The following PLEKHD1 variants were observed in gnomAD, a reference collection of about 807,000 sequenced individuals.
PLEKHD1 encodes the protein pleckstrin homology domain-containing family D member 1.
In PLEKHD1, 51 loss-of-function variants were observed where a neutral mutation model predicts 69.2. That is an observed-to-expected ratio of 0.74 (90% confidence interval 0.59 to 0.93). The LOEUF is 0.93. Ranked by LOEUF, PLEKHD1 falls within the 40% of genes least tolerant of loss-of-function variation. PLEKHD1 has a pLI of 0.00. For synonymous variants in PLEKHD1, 236 were observed against 244.7 expected, an observed-to-expected ratio of 0.96 and a Z score of 0.33; for missense variants, 584 against 641.0, an observed-to-expected ratio of 0.91 and a Z score of 0.96.
chr14:69,481,737 A>G (rs952253237), upstream of PLEKHD1, among the ~76,000 whole-genome samples: 22 of 152,350 alleles, frequency 1.4e-4, 2 homozygotes, highest in Admixed American at 1.4e-3. Flanking sequence ...TAAAAATTAA[A>G]TGAAATGTGT....
intron 9 of PLEKHD1, 107 bp downstream of exon 9, chr14:69,526,229 G>A (rs79240425): frequency 0.051 from 59,857 of 1,181,190 alleles, 1,714 homozygotes; most frequent in Admixed American, 0.071. Flanking sequence ...GACCAAGTAG[G>A]ACTCACTCAC....
chr14:69,489,653 C>G (rs1228367070), intron 1 of PLEKHD1, among the ~76,000 whole-genome samples: 2 of 150,532 alleles, frequency 1.3e-5, no homozygotes, highest in Non-Finnish European at 2.9e-5. Context: ...CTGCCAGTAA[C>G]CAGCTGCATG....
In PLEKHD1 at chr14:69,501,722, C is replaced by A; in HGVS notation, c.411-12C>A. 6.5e-7 allele frequency: 1 copy of A among 1,545,572 alleles called. No individual in the cohort carries two copies. Among genetic ancestry groups the A allele is most frequent in the South Asian group, 1.2e-5 (1 of 83,682 alleles). ...TCTTCTCTCCTCTGTCCCATCTGCC[C>A]TCCCTCCCCAGGACCTGGAAGAATG... On this transcript the variant is annotated splice_polypyrimidine_tract_variant and intron_variant, in intron 4 of 12. Transcript: ENST00000322564.
intron 6 of PLEKHD1, among the ~76,000 whole-genome samples, chr14:69,509,025 C>G (rs994204356): frequency 5.9e-5 from 9 of 152,134 alleles, no homozygotes; most frequent in African/African-American, 2.2e-4. Flanking sequence ...TCCCTTTGGC[C>G]TTTTCGGCTC....
At position 69,484,981 on chromosome 14, in the gene PLEKHD1, T is replaced by C. The variant is rs776303675; in HGVS notation, c.16T>C (p.Ser6Pro). MFTSK[S>P]NSVSPSPSLE... ...CTGAGGCAGGATGTTCACGTCCAAG[T>C]CCAACTCGGTGTCGCCCTCGCCGTC... The change falls in exon 1 of 13, where the codon TCC becomes CCC. Residue 6 changes from serine (S) to proline (P), a missense_variant. Transcript: ENST00000322564. 11 of 1,551,084 alleles carry C rather than the reference T, an allele frequency of 7.1e-6. No individual in the cohort carries two copies. In the South Asian group the frequency reaches 1.3e-4, roughly 18 times the overall value.
chr14:69,514,451 A>C (rs1160934555), intron 6 of PLEKHD1, among the ~76,000 whole-genome samples: 1 of 151,884 alleles, frequency 6.6e-6, no homozygotes, highest in African/African-American at 2.4e-5. Context: ...CTCTCTACTT[A>C]TATTATCCAT....
At position 69,528,487 on chromosome 14, in the gene PLEKHD1, G is replaced by A; in HGVS notation, c.*68G>A. 6.7e-7 allele frequency: 1 copy of A among 1,503,484 alleles called. No individual in the cohort carries two copies. The highest frequency in any genetic ancestry group is 1.3e-5 in the South Asian group (1 of 78,298). 93.1% of individuals were successfully genotyped at this position (1,503,484 alleles called of 1,614,324 possible). ...GGGGGAGGGGAAGGGGTGGCAGAGG[G>A]AGGCCTCACTCTACCAGCTCCTGGC... is the stretch of plus-strand genomic sequence containing the variant. On this transcript the variant is annotated 3_prime_UTR_variant, in exon 13 of 13. Coordinates refer to ENST00000322564, the MANE Select transcript of PLEKHD1 (RefSeq NM_001161498.2).
At position 69,515,185 on chromosome 14, in the gene PLEKHD1, G is replaced by A. The variant is rs576709811; in HGVS notation, c.556-7098G>A. ...TGCACTCCAGCCTGGGTGACAGAGC[G>A]AGACTCTGTCTCAACAAACCAACCA... On this transcript the variant is annotated intron_variant, in intron 6 of 12. Transcript: ENST00000322564. 2.6e-5 allele frequency among the ~76,000 whole-genome samples: 4 copies of A among 152,242 alleles called. No homozygotes were observed. The East Asian group carries it at 5.8e-4, about 22-fold the overall frequency.
intron 4 of PLEKHD1, 29 bp from the exon 5 acceptor site, chr14:69,501,705 C>G: frequency 6.7e-7 from 1 of 1,493,774 alleles, no homozygotes; most frequent in African/African-American, 1.4e-5. Context: ...CCTCTTCTCT[C>G]CTCTGTCCCA....
At position 69,485,059 on chromosome 14, in the gene PLEKHD1, T is replaced by C; in HGVS notation, c.94T>C (p.Tyr32His). 6.4e-7 allele frequency: 1 copy of C among 1,551,350 alleles called. No homozygotes were observed. The highest frequency in any genetic ancestry group is 2.4e-5 in the East Asian group (1 of 40,908). The change falls in exon 1 of 13, where the codon TAC (tyrosine) becomes CAC (histidine). Residue 32 changes from tyrosine (Y) to histidine (H), a missense_variant. Coordinates refer to ENST00000322564, the MANE Select transcript of PLEKHD1 (RefSeq NM_001161498.2). Reference sequence around the variant, plus strand: ...GGATATCAGCACCAAAGTGCAGCTCTACGGCGTGCTGTGGAAGAGGCCTTT... The same window carrying C: ...GGATATCAGCACCAAAGTGCAGCTCCACGGCGTGCTGTGGAAGAGGCCTTT... Reference protein sequence around the residue: ...ALDISTKVQLYGVLWKRPFGR... With the variant: ...ALDISTKVQLHGVLWKRPFGR...
intron 6 of PLEKHD1, among the ~76,000 whole-genome samples, chr14:69,518,639 A>G (rs1314058674): frequency 6.6e-6 from 1 of 152,202 alleles, no homozygotes; most frequent in Admixed American, 6.5e-5. Flanking sequence ...TTTACTGAGG[A>G]TGAGAAATCA....
intron 8 of PLEKHD1, among the ~76,000 whole-genome samples, chr14:69,525,307 G>T (rs924179070): frequency 1.3e-5 from 2 of 152,118 alleles, no homozygotes; most frequent in African/African-American, 4.8e-5. Flanking sequence ...AAGGTTTCTT[G>T]TCTCCCTTGA....
intron 1 of PLEKHD1, among the ~76,000 whole-genome samples, chr14:69,499,708 A>T (rs921761738): frequency 6.6e-6 from 1 of 152,200 alleles, no homozygotes; most frequent in Non-Finnish European, 1.5e-5. Flanking sequence ...CCAAAGACCC[A>T]TCTTAGCATC....
At chr14:69,506,891 CTTTTT>C (rs1162412450) in intron 6 of PLEKHD1, among the ~76,000 whole-genome samples, 925 of 78,046 alleles carry the variant, frequency 0.012, 21 homozygotes, top group African/African-American at 0.049. Flanking sequence ...CTGGCAACTG[CTTTTT>C]TTTTTTTTTT....
intron 1 of PLEKHD1, among the ~76,000 whole-genome samples, chr14:69,493,249 A>G (rs548694353): frequency 6.6e-6 from 1 of 152,350 alleles, no homozygotes; most frequent in South Asian, 2.1e-4. Context: ...CTCTGCAGAG[A>G]TAGCAGAGAT....
At chr14:69,492,912 G>A (rs1022592593) in intron 1 of PLEKHD1, among the ~76,000 whole-genome samples, 13 of 152,160 alleles carry the variant, frequency 8.5e-5, no homozygotes, top group African/African-American at 2.9e-4. Context: ...TAGGACCACA[G>A]GCACGAGCTA....
At position 69,500,125 on chromosome 14, in the gene PLEKHD1, A is replaced by G; in HGVS notation, c.160A>G (p.Ile54Val). The G allele has an allele frequency of 1.9e-6, 3 of 1,549,078 alleles. No individual in the cohort carries two copies. The highest frequency in any genetic ancestry group is 1.4e-5 in the African/African-American group (1 of 73,034). ...CACCGCCCACTATAGGTTTTTCATC[A>G]TCAAAGAGAGCTTTCTGCTTTACTA... is the stretch of plus-strand genomic sequence containing the variant. ...SAKWSRRFFI[I>V]KESFLLYYSE... Residue 54 changes from isoleucine to valine, a missense_variant, in exon 2 of 13, where the codon ATC becomes GTC. By Grantham distance (29) the Ile-to-Val change is conservative. Transcript: ENST00000322564.
the PLEKHD1 span, among the ~76,000 whole-genome samples, chr14:69,470,757 C>T: frequency 6.6e-6 from 1 of 152,022 alleles, no homozygotes; most frequent in East Asian, 1.9e-4. Context: ...TCTCTTTCTT[C>T]TTTCTTGTCT....
intron 9 of PLEKHD1, 116 bp downstream of exon 9, chr14:69,526,238 A>C: frequency 3.2e-5 from 35 of 1,107,410 alleles, no homozygotes; most frequent in Non-Finnish European, 3.9e-5. Flanking sequence ...GGACTCACTC[A>C]CTTCCTTTTG....
Sources: gnomAD v4.1 joint callset for allele counts (sites outside exome capture counted in the v4.1 genomes callset) on GRCh38, gnomAD v4.1.1 for gene constraint, MANE v1.5 for transcripts, NCBI Gene and HGNC (gene_info 2026-07-23, HGNC 2026-07-21) for gene names.